The following DCDC2 variants were observed in gnomAD, a reference collection of about 807,000 sequenced individuals.
The protein encoded by DCDC2 is doublecortin domain containing 2.
In DCDC2, 40 loss-of-function variants were observed where a neutral mutation model predicts 50.2. That is an observed-to-expected ratio of 0.80 (90% CI 0.62 to 1.04). The LOEUF (loss-of-function observed/expected upper bound fraction) is 1.04, where lower values mean the gene tolerates loss of function less well. Among genes scored for constraint, DCDC2 ranks in the 50% least tolerant of loss-of-function variants. The pLI is 0.00. For synonymous variants in DCDC2, 234 were observed against 210.6 expected (o/e 1.11, Z -0.96); for missense variants, 570 against 581.9 (o/e 0.98, Z 0.21).
At chr6:24,210,040 GTGTGTGTGTGTGTGTC>G (rs1207675795) in intron 7 of DCDC2, among the ~76,000 whole-genome samples, 1 of 145,694 alleles carries the variant, frequency 6.9e-6, no homozygotes, top group African/African-American at 2.8e-5. Flanking sequence ...GTGTGTGTGT[GTGTGTGTGTGTGTGTC>G]TGTCTGTCTG....
At chr6:24,314,493 A>G (rs1462062903) in intron 2 of DCDC2, among the ~76,000 whole-genome samples, 1 of 152,066 alleles carries the variant, frequency 6.6e-6, no homozygotes. Context: ...AACAAAAACA[A>G]AAACAAAAAA....
At chr6:24,222,515 T>C (rs556827099) in intron 7 of DCDC2, among the ~76,000 whole-genome samples, 5 of 152,336 alleles carry the variant, frequency 3.3e-5, no homozygotes, top group African/African-American at 9.6e-5. Flanking sequence ...CCTGATTATA[T>C]CAGAAATCTC....
chr6:24,194,985 C>A (rs1450058796), intron 8 of DCDC2, among the ~76,000 whole-genome samples: 1 of 152,058 alleles, frequency 6.6e-6, no homozygotes, highest in East Asian at 1.9e-4. Context: ...GAGTCTGGAC[C>A]TTGGGGCAGA....
At chr6:24,274,932 T>G (rs1346069357) in intron 7 of DCDC2, among the ~76,000 whole-genome samples, 3 of 152,032 alleles carry the variant, frequency 2.0e-5, no homozygotes, top group African/African-American at 7.2e-5. Flanking sequence ...ACCCTAAAAT[T>G]TATCACTTTG....
intron 7 of DCDC2, among the ~76,000 whole-genome samples, chr6:24,261,010 T>G (rs1420087101): frequency 6.6e-6 from 1 of 152,204 alleles, no homozygotes; most frequent in East Asian, 1.9e-4. Context: ...CCTAATACAT[T>G]CTTTGTCTAG....
In DCDC2 at chr6:24,324,466, T is replaced by C. The variant is rs559095915; in HGVS notation, c.349-22422A>G. On this transcript the variant is annotated intron_variant, in intron 2 of 9. Transcript: ENST00000378454. ...AGCAAAAGTTGTTTATGATACTGAG[T>C]GTGTCTCACTTGTTAATATTTGTTA... Among the ~76,000 whole-genome samples the C allele has an allele frequency of 4.6e-5, 7 of 152,324 alleles. No individual in the cohort carries two copies. In the East Asian group the frequency reaches 9.6e-4, roughly 21 times the overall value.
chr6:24,270,519 G>A (rs958784908), intron 7 of DCDC2, among the ~76,000 whole-genome samples: 2 of 152,126 alleles, frequency 1.3e-5, no homozygotes, highest in Non-Finnish European at 2.9e-5. Flanking sequence ...TGACTACTCT[G>A]TGCGGAATGC....
intron 8 of DCDC2, among the ~76,000 whole-genome samples, chr6:24,180,349 AT>A (rs1244231087): frequency 6.6e-6 from 1 of 151,672 alleles, no homozygotes; most frequent in Non-Finnish European, 1.5e-5. Flanking sequence ...CAGTGGTGCG[AT>A]CTCTGCTCAC....
At chr6:24,175,597 T>A (rs1490632381) in intron 9 of DCDC2, among the ~76,000 whole-genome samples, 1 of 152,218 alleles carries the variant, frequency 6.6e-6, no homozygotes, top group Non-Finnish European at 1.5e-5. Flanking sequence ...TGGTGCCGTG[T>A]CTTATTTCAC....
chr6:24,229,339 T>C (rs1265962544), intron 7 of DCDC2, among the ~76,000 whole-genome samples: 1 of 152,200 alleles, frequency 6.6e-6, no homozygotes, highest in Admixed American at 6.5e-5. Flanking sequence ...CGAGTCTTTT[T>C]TACATTATCT....
chr6:24,182,937 T>C (rs141112552), intron 8 of DCDC2, among the ~76,000 whole-genome samples: 59 of 152,300 alleles, frequency 3.9e-4, no homozygotes, highest in Admixed American at 1.0e-3. Context: ...ATAATCAAAA[T>C]GCAGTATATC....
chr6:24,218,938 T>C (rs914451482), intron 7 of DCDC2, among the ~76,000 whole-genome samples: 1 of 152,244 alleles, frequency 6.6e-6, no homozygotes, highest in Non-Finnish European at 1.5e-5. Flanking sequence ...ACAGATGGTA[T>C]CTTCCAGATA....
At chr6:24,175,376 T>C (rs1487781448) in intron 9 of DCDC2, among the ~76,000 whole-genome samples, 1 of 152,114 alleles carries the variant, frequency 6.6e-6, no homozygotes, top group Non-Finnish European at 1.5e-5. Context: ...AATAATGACA[T>C]TGTCTCATGT....
At chr6:24,282,993 T>C (rs1023994986) in intron 6 of DCDC2, among the ~76,000 whole-genome samples, 2 of 149,608 alleles carry the variant, frequency 1.3e-5, no homozygotes, top group Admixed American at 1.3e-4. Flanking sequence ...GTCAAAACCG[T>C]AGAAATCATA....
At chr6:24,254,742 A>G (rs28993076) in intron 7 of DCDC2, among the ~76,000 whole-genome samples, 3,612 of 152,294 alleles carry the variant, frequency 0.024, 50 homozygotes, top group Non-Finnish European at 0.037. Flanking sequence ...TACATCAGTC[A>G]GATATCAAAA....
intron 2 of DCDC2, among the ~76,000 whole-genome samples, chr6:24,341,496 C>A (rs1403768675): frequency 7.7e-6 from 1 of 130,616 alleles, no homozygotes; most frequent in African/African-American, 2.9e-5. Context: ...CAGCCAAGTG[C>A]AAATAGAGAC....
intron 7 of DCDC2, among the ~76,000 whole-genome samples, chr6:24,216,323 A>C (rs1231656713): frequency 4.0e-5 from 6 of 151,814 alleles, no homozygotes; most frequent in Non-Finnish European, 8.8e-5. Context: ...AGTAAAAGGT[A>C]ACAGGAAAAA....
At chr6:24,373,425 G>A in the DCDC2 span, among the ~76,000 whole-genome samples, 11 of 152,220 alleles carry the variant, frequency 7.2e-5, no homozygotes, top group Non-Finnish European at 1.0e-4. Flanking sequence ...AGCAGCATGC[G>A]TCAACATGGA....
At chr6:24,360,545 G>A (rs977647962), upstream of DCDC2, among the ~76,000 whole-genome samples, 9 of 152,168 alleles carry the variant, frequency 5.9e-5, no homozygotes, top group Non-Finnish European at 1.2e-4. Context: ...GAATAACAGG[G>A]AGAGGAGTTG....
Sources: allele counts gnomAD v4.1 joint callset (sites outside exome capture counted in the v4.1 genomes callset), GRCh38; gene constraint gnomAD v4.1.1; transcripts MANE v1.5; gene names NCBI Gene and HGNC (gene_info 2026-07-23, HGNC 2026-07-21).